Variants in ITGA5 observed in about 807,000 individuals in gnomAD.
ITGA5 encodes the protein integrin subunit alpha 5, also known as integrin alpha-5.
In ITGA5, 55 loss-of-function variants were observed where a neutral mutation model predicts 146.3. The observed-to-expected ratio is 0.38, with a 90% confidence interval of 0.30 to 0.47. ITGA5 has a LOEUF of 0.47. Among genes scored for constraint, ITGA5 ranks in the 20% least tolerant of loss-of-function variants. The probability of loss-of-function intolerance (pLI) is 0.99; values close to 1 mark genes in which losing one functional copy is unlikely to be tolerated. For synonymous variants in ITGA5, 500 were observed against 531.8 expected (o/e 0.94, Z 0.82); for missense variants, 1,131 against 1,329.0 (o/e 0.85, Z 2.32).
At chr12:54,411,777 C>A in intron 2 of ITGA5, 57 bp downstream of exon 2, 1 of 1,410,198 alleles carries the variant, frequency 7.1e-7, no homozygotes, top group Non-Finnish European at 9.3e-7. Flanking sequence ...CCACCCAGGC[C>A]TTGCCCCCAG....
chr12:54,408,324 G>T, intron 6 of ITGA5, 89 bp from the exon 7 acceptor site: 1 of 1,458,046 alleles, frequency 6.9e-7, no homozygotes. Context: ...TATTTCAGAA[G>T]TCTGGTTCAA....
At position 54,404,474 on chromosome 12, in the gene ITGA5, A is replaced by G. The variant is rs201235779; in HGVS notation, c.1419T>C (p.Asp473=). The G allele has an allele frequency of 6.2e-7, 1 of 1,614,190 alleles. No individual in the cohort carries two copies. The highest frequency in any genetic ancestry group is 1.3e-5 in the African/African-American group (1 of 75,066). The change falls in exon 14 of 30, where the codon GAT becomes GAC. Residue 473 remains aspartate (D), a splice_region_variant and synonymous_variant. Coordinates refer to ENST00000293379, the MANE Select transcript of ITGA5 (RefSeq NM_002205.5). ...GRDLDGNGYP[D]LIVGSFGVDK... is the part of the protein sequence containing the mutation. ...CCACACCAAAGGACCCCACAATCAG[A>G]TCTGTAAGAAGTCAAGAAATCACCT...
chr12:54,414,271 T>A (rs542532398), intron 1 of ITGA5, among the ~76,000 whole-genome samples: 1 of 152,312 alleles, frequency 6.6e-6, no homozygotes, highest in South Asian at 2.1e-4. Flanking sequence ...CAAGCTAGTT[T>A]GTCCTTATTT....
Position 54,402,277 on chromosome 12 carries a change from T to A in ITGA5, c.2036A>T (p.His679Leu), listed in dbSNP as rs1242255253. 1.2e-6 allele frequency: 2 copies of A among 1,614,032 alleles called. No individual in the cohort carries two copies. The highest frequency in any genetic ancestry group is 1.7e-5 in the Admixed American group (1 of 60,006). ...GDKNALNLTFHAQNVGEGGAY... is the reference protein window; with the variant it reads ...GDKNALNLTFLAQNVGEGGAY... ...GCCACCCTCACCCACATTCTGGGCA[T>A]GGAAAGTGAGGTTCAGGGCATTCTT... Residue 679 changes from histidine (H) to leucine (L), a missense_variant, in exon 20 of 30, where the codon CAT becomes CTT. His to Leu is a moderately conservative substitution (Grantham distance 99). Around this residue, in one of 3 missense-constraint regions of ITGA5, gnomAD observed 889 missense variants for 1,021.5 expected, o/e 0.87. Coordinates refer to ENST00000293379, the MANE Select transcript of ITGA5 (RefSeq NM_002205.5).
intron 13 of ITGA5, 49 bp downstream of exon 13, chr12:54,404,654 C>G (rs772803867): frequency 6.5e-7 from 1 of 1,544,092 alleles, no homozygotes; most frequent in East Asian, 2.2e-5. Context: ...GAGTAGGGGT[C>G]AGTGACCAGG....
At position 54,409,171 on chromosome 12, in the gene ITGA5, G is replaced by T. The variant is rs1368372958; in HGVS notation, c.583+61C>A. The T allele has an allele frequency of 2.5e-6, 4 of 1,574,238 alleles. No homozygotes were observed. Among genetic ancestry groups the T allele is most frequent in the African/African-American group, 1.4e-5 (1 of 73,668 alleles). On this transcript the variant is annotated intron_variant, in intron 4 of 29. Transcript: ENST00000293379. The surrounding 1 kb of genome is among the most constrained non-coding windows in gnomAD (Gnocchi z 4.7). The stretch of plus-strand genomic sequence containing the variant: ...GTAGGTGCGAGTCAACCCTAAGTAT[G>T]TGAGACACTTCAAGTATATGAGAAG...
rs144650038 is a variant in ITGA5, at chr12:54,403,258, G to T, written c.1843C>A (p.Gln615Lys). Residue 615 changes from glutamine (Q) to lysine (K), a missense_variant, in exon 18 of 30, where the codon CAA (glutamine) becomes AAA (lysine). Physicochemically the swap from Gln to Lys is moderately conservative, Grantham distance 53 (BLOSUM62 1). This residue lies in a region of ITGA5 where 889 missense variants were observed against 1,021.5 expected (regional missense o/e 0.87). Coordinates refer to ENST00000293379, the MANE Select transcript of ITGA5 (RefSeq NM_002205.5). The surrounding 1 kb of genome is among the most constrained non-coding windows in gnomAD (Gnocchi z 4.9). Reference protein sequence around the residue: ...HIALNFSLDPQAPVDSHGLRP... With the variant: ...HIALNFSLDPKAPVDSHGLRP... ...AGGCCGTGGCTGTCCACTGGGGCTT[G>T]GGGGTCCAAGGAGAAGTTGAGAGCG... 8.0e-4 allele frequency: 1,256 copies of T among 1,566,462 alleles called. 7 individuals are homozygous for T. The African/African-American group carries it at 0.015, about 19-fold the overall frequency.
At position 54,401,636 on chromosome 12, in the gene ITGA5, A is replaced by T; in HGVS notation, c.2336T>A (p.Val779Glu). The change falls in exon 23 of 30, where the codon GTG becomes GAG. Residue 779 changes from valine (V) to glutamate (E), a missense_variant. Val to Glu is a moderately radical substitution (Grantham distance 121). Around this residue, in one of 3 missense-constraint regions of ITGA5, gnomAD observed 889 missense variants for 1,021.5 expected, o/e 0.87. Transcript: ENST00000293379. This position sits in a 1 kb window ranked among gnomAD's most constrained non-coding sequence, Gnocchi z 5.0. Reference sequence around the variant, plus strand: ...CTCCACGGAGAGCCGAAAGGAAACCACGTCGCTTTGCGAGTTGTTGAGATT... The same window carrying T: ...CTCCACGGAGAGCCGAAAGGAAACCTCGTCGCTTTGCGAGTTGTTGAGATT... ...SKNLNNSQSD[V>E]VSFRLSVEAQ... 6.2e-7 allele frequency: 1 copy of T among 1,614,086 alleles called. No homozygotes were observed. Among genetic ancestry groups the T allele is most frequent in the Non-Finnish European group, 8.5e-7 (1 of 1,180,016 alleles).
rs1211414363 is a variant in ITGA5 at position 54,401,241 on chromosome 12, A to C, written c.2493+132T>G. On this transcript the variant is annotated intron_variant, in intron 24 of 29. Coordinates refer to ENST00000293379, the MANE Select transcript of ITGA5 (RefSeq NM_002205.5). The surrounding 1 kb of genome is among the most constrained non-coding windows in gnomAD (Gnocchi z 5.0). ...GCTGTTTCTCACAGGACTCTGCCTC[A>C]TGCCTTTGCATATCACTTACTCCTC... 2 of 816,546 alleles carry C rather than the reference A, an allele frequency of 2.4e-6. No individual in the cohort carries two copies. Among genetic ancestry groups the C allele is most frequent in the African/African-American group, 3.4e-5 (2 of 58,942 alleles). The allele number at this position is 816,546 out of a possible 1,614,324, so 50.6% of individuals were successfully genotyped here. A position where few individuals can be genotyped will look rare whatever the true frequency, so the allele number is the denominator to read the frequency against.
intron 27 of ITGA5, among the ~76,000 whole-genome samples, 190 bp downstream of exon 27, chr12:54,399,455 G>A (rs1005502338): frequency 6.6e-6 from 1 of 152,170 alleles, no homozygotes; most frequent in Non-Finnish European, 1.5e-5. Context: ...AAGGGAAGCT[G>A]CTGCTCCCAC....
rs969291581 is a variant in ITGA5, at chr12:54,414,797, A to T, written c.219-2833T>A. 3.0e-4 allele frequency among the ~76,000 whole-genome samples: 45 copies of T among 150,170 alleles called. 1 individual carries two copies. The highest frequency in any genetic ancestry group is 1.1e-3 in the African/African-American group (45 of 40,268). ...GGGAGGCGGAGCTTGCAGGGAGCCGAGATCACGCCACTACACTCCAGTCCA... is the reference window on the plus strand; with the variant it reads ...GGGAGGCGGAGCTTGCAGGGAGCCGTGATCACGCCACTACACTCCAGTCCA... On this transcript the variant is annotated intron_variant, in intron 1 of 29. Transcript: ENST00000293379.
intron 12 of ITGA5, 105 bp from the exon 13 acceptor site, chr12:54,404,999 A>T: frequency 8.3e-7 from 1 of 1,197,864 alleles, no homozygotes. Context: ...CCCATCTGTC[A>T]GTCCCTATAT....
chr12:54,400,902 T>C lies in ITGA5; in HGVS notation c.2587A>G (p.Arg863Gly), dbSNP rs1425291898. The change falls in exon 25 of 30, where the codon AGA (arginine) becomes GGA (glycine). Residue 863 changes from arginine to glycine, a missense_variant. By Grantham distance (125) the Arg-to-Gly change is moderately radical. Coordinates refer to ENST00000293379, the MANE Select transcript of ITGA5 (RefSeq NM_002205.5). ...LEGQQLLYVT[R>G]VTGLNCTTNH... ...GTGGTGCAGTTGAGTCCCGTAACTC[T>C]GGTCACATATAGGAGCTGCTGACCT... 6.2e-7 allele frequency: 1 copy of C among 1,614,166 alleles called. No homozygotes were observed. The highest frequency in any genetic ancestry group is 1.3e-5 in the African/African-American group (1 of 75,056).
chr12:54,403,373 A>C lies in ITGA5; in HGVS notation c.1777-49T>G, dbSNP rs371350848. 2.0e-4 allele frequency: 296 copies of C among 1,490,896 alleles called. 1 individual carries two copies. The highest frequency in any genetic ancestry group is 2.6e-4 in the Non-Finnish European group (291 of 1,118,188). The allele number at this position is 1,490,896 out of a possible 1,614,324, so 92.4% of individuals were successfully genotyped here. A position where few individuals can be genotyped will look rare whatever the true frequency, so the allele number is the denominator to read the frequency against. ...CGGAGTCAGGGGACTCTGGAGACTT[A>C]GTGGCCCTGCTCCTCAGCCTCTCTC... On this transcript the variant is annotated intron_variant, in intron 17 of 29. Coordinates refer to ENST00000293379, the MANE Select transcript of ITGA5 (RefSeq NM_002205.5). The surrounding 1 kb of genome is among the most constrained non-coding windows in gnomAD (Gnocchi z 4.9).
chr12:54,405,656 C>T lies in ITGA5; in HGVS notation c.1016+8G>A. 1 of 1,611,906 alleles carries T rather than the reference C, an allele frequency of 6.2e-7. No homozygotes were observed. Among genetic ancestry groups the T allele is most frequent in the East Asian group, 2.2e-5 (1 of 44,854 alleles). On this transcript the variant is annotated splice_region_variant and intron_variant, in intron 11 of 29. Coordinates refer to ENST00000293379, the MANE Select transcript of ITGA5 (RefSeq NM_002205.5). ...GGTATCACAGTGCGCTCATTTCCCA[C>T]CACTCACCCGTCCCCATTGACGTCT...
In ITGA5 at chr12:54,401,942, T is replaced by C; in HGVS notation, c.2226+59A>G. On this transcript the variant is annotated intron_variant, in intron 21 of 29. Coordinates refer to ENST00000293379, the MANE Select transcript of ITGA5 (RefSeq NM_002205.5). The surrounding 1 kb of genome is among the most constrained non-coding windows in gnomAD (Gnocchi z 5.0). ...CCTCACAGCTGTGCTCTCGGCTGGC[T>C]GGTTACCGCCCTCAGGTCTGCTCTC... is the stretch of plus-strand genomic sequence containing the variant. The C allele has an allele frequency of 6.3e-7, 1 of 1,599,090 alleles. No individual in the cohort carries two copies. Among genetic ancestry groups the C allele is most frequent in the Non-Finnish European group, 8.6e-7 (1 of 1,166,492 alleles).
rs764954354 is a variant in ITGA5, at chr12:54,403,726, G to A, written c.1675C>T (p.Arg559Trp). The change falls in exon 17 of 30, where the codon CGG becomes TGG. Residue 559 changes from arginine (R) to tryptophan (W), a missense_variant. By Grantham distance (101) the Arg-to-Trp change is moderately radical. Transcript: ENST00000293379. This position sits in a 1 kb window ranked among gnomAD's most constrained non-coding sequence, Gnocchi z 4.9. ...TGCCTGGAGGCCAGGAACAGTGCCC[G>A]CCGTACCCCTCCCTTCTGCTTCTGC... ...DWQKQKGGVRRALFLASRQAT... is the reference protein window; with the variant it reads ...DWQKQKGGVRWALFLASRQAT... 3 of 1,614,084 alleles carry A rather than the reference G, an allele frequency of 1.9e-6. No homozygotes were observed. The highest frequency in any genetic ancestry group is 1.3e-5 in the African/African-American group (1 of 74,934).
In ITGA5 at chr12:54,403,019, TTG is replaced by T. The variant is rs751596866; in HGVS notation, c.1944_1945del (p.Asp648GlufsTer6). On this transcript the variant is annotated frameshift_variant, in exon 19 of 30. Coordinates refer to ENST00000293379, the MANE Select transcript of ITGA5 (RefSeq NM_002205.5). LOFTEE classifies it high-confidence loss of function. This position sits in a 1 kb window ranked among gnomAD's most constrained non-coding sequence, Gnocchi z 4.9. ...CAGCTGCAGGTCAGGCACACAGATG[TTG>T]TCTTCTCCACAGTCCAGCAAGATCT... is the stretch of plus-strand genomic sequence containing the variant. 6.2e-7 allele frequency: 1 copy of T among 1,614,108 alleles called. No homozygotes were observed. The highest frequency in any genetic ancestry group is 1.7e-5 in the Admixed American group (1 of 60,024).
intron 1 of ITGA5, chr12:54,412,189 G>T: frequency 2.3e-6 from 1 of 440,650 alleles, no homozygotes; most frequent in East Asian, 3.8e-5. Flanking sequence ...CCCTCCTCCC[G>T]CCATTCTCTG....
Sources: gnomAD v4.1 joint callset for allele counts (sites outside exome capture counted in the v4.1 genomes callset) on GRCh38, gnomAD v4.1.1 for gene constraint, gnomAD v4.1.1 regional missense constraint, Gnocchi (gnomAD v3.1) non-coding constraint, MANE v1.5 for transcripts, NCBI Gene and HGNC (gene_info 2026-07-23, HGNC 2026-07-21) for gene names.